The following KCNT2 variants were observed in gnomAD, a reference collection of about 807,000 sequenced individuals.
The protein encoded by KCNT2 is potassium channel subfamily T member 2.
In KCNT2, 67 loss-of-function variants were observed where a neutral mutation model predicts 153.8. The ratio of observed to expected loss-of-function variants is 0.44; its 90% CI spans 0.36 to 0.53. The LOEUF (loss-of-function observed/expected upper bound fraction) is 0.53, where lower values mean the gene tolerates loss of function less well. KCNT2 is among the 20% of genes least tolerant of loss of function. The pLI, the probability that KCNT2 is intolerant of heterozygous loss-of-function variation, is 0.00. For synonymous variants in KCNT2, 500 were observed against 458.8 expected (o/e 1.09, Z -1.15); for missense variants, 975 against 1,354.8 (o/e 0.72, Z 4.40).
At chr1:196,506,083 A>C (rs534577952) in intron 1 of KCNT2, among the ~76,000 whole-genome samples, 1 of 152,272 alleles carries the variant, frequency 6.6e-6, no homozygotes, top group East Asian at 1.9e-4. Flanking sequence ...TTCTAGGGAA[A>C]TATGTTGCGG....
At chr1:196,257,366 T>C (rs1656604749) in intron 26 of KCNT2, 5 of 978,860 alleles carry the variant, frequency 5.1e-6, no homozygotes, top group Non-Finnish European at 6.1e-6. Flanking sequence ...GAGATTTCAA[T>C]AATAAACAAG....
At chr1:196,354,769 T>C (rs1667034774) in intron 14 of KCNT2, among the ~76,000 whole-genome samples, 1 of 151,854 alleles carries the variant, frequency 6.6e-6, no homozygotes, top group Non-Finnish European at 1.5e-5. Context: ...TAATGCACTT[T>C]ATTTAATTCC....
rs1367945566 is a variant in KCNT2 at position 196,258,512 on chromosome 1, AT to A, written c.2911-19del. On this transcript the variant is annotated intron_variant, in intron 25 of 27. Transcript: ENST00000294725. ...ATTTGAGACTTTAAAGGAAATAGAT[AT>A]TGATAATTAGATACTTTAGAAATAA... 4.4e-6 allele frequency: 6 copies of A among 1,376,252 alleles called. No individual in the cohort carries two copies. Among genetic ancestry groups the A allele is most frequent in the Admixed American group, 1.9e-5 (1 of 51,838 alleles). The allele number at this position is 1,376,252 out of a possible 1,614,324, so 85.3% of individuals were successfully genotyped here.
intron 13 of KCNT2, among the ~76,000 whole-genome samples, chr1:196,386,195 G>A (rs1419826504): frequency 6.6e-6 from 1 of 152,100 alleles, no homozygotes; most frequent in African/African-American, 2.4e-5. Flanking sequence ...CGCAAGTCAA[G>A]CCTTCAAATA....
At chr1:196,265,476 A>G (rs764776375) in intron 25 of KCNT2, among the ~76,000 whole-genome samples, 3 of 152,148 alleles carry the variant, frequency 2.0e-5, no homozygotes, top group Non-Finnish European at 2.9e-5. Flanking sequence ...ATATTGAATC[A>G]AGTGGTTGGT....
Position 196,373,255 on chromosome 1 carries a change from G to A in KCNT2, c.1295-7C>T. 1 of 1,194,000 alleles carries A rather than the reference G, an allele frequency of 8.4e-7. No individual in the cohort carries two copies. Among genetic ancestry groups the A allele is most frequent in the Non-Finnish European group, 1.2e-6 (1 of 805,228 alleles). 74.0% of individuals were successfully genotyped at this position (1,194,000 alleles called of 1,614,324 possible). A position where few individuals can be genotyped will look rare whatever the true frequency, so the allele number is the denominator to read the frequency against. On this transcript the variant is annotated splice_region_variant and splice_polypyrimidine_tract_variant and intron_variant, in intron 13 of 27. Transcript: ENST00000294725. The stretch of plus-strand genomic sequence containing the variant: ...TCTTCACAAACAACATGATCTGTTT[G>A]AAATAAAATAGGTAAATTAGAATAA...
intron 14 of KCNT2, among the ~76,000 whole-genome samples, chr1:196,372,903 T>C (rs1001318773): frequency 2.6e-5 from 4 of 152,004 alleles, no homozygotes; most frequent in Admixed American, 2.6e-4. Context: ...TACTAATAAG[T>C]TGCAACAAAC....
At chr1:196,235,143 T>C (rs879405407) in intron 27 of KCNT2, among the ~76,000 whole-genome samples, 2 of 151,418 alleles carry the variant, frequency 1.3e-5, no homozygotes, top group African/African-American at 2.4e-5. Context: ...CAGTATTACA[T>C]TTGCCTTACA....
Position 196,315,909 on chromosome 1 carries a change from G to C in KCNT2, c.2466C>G (p.Asn822Lys). The change falls in exon 21 of 28, where the codon AAC becomes AAG. Residue 822 changes from asparagine (N) to lysine (K), a missense_variant. This residue lies in a region of KCNT2 where 66 missense variants were observed against 147.9 expected (regional missense o/e 0.45). Transcript: ENST00000294725. ...DYMADAKTIV[N>K]VQTLFRLFSS... ...CCACTTACCTGAAGAGTGTCTGCAC[G>C]TTCACAATGGTTTTGGCATCTGCCA... 6.2e-7 allele frequency: 1 copy of C among 1,606,530 alleles called. No homozygotes were observed. Among genetic ancestry groups the C allele is most frequent in the Non-Finnish European group, 8.5e-7 (1 of 1,175,990 alleles).
At chr1:196,519,644 A>G (rs1460992521) in intron 1 of KCNT2, among the ~76,000 whole-genome samples, 2 of 152,154 alleles carry the variant, frequency 1.3e-5, no homozygotes, top group African/African-American at 2.4e-5. Flanking sequence ...ACAAATAACC[A>G]TCAGAGACTA....
At chr1:196,529,312 T>C (rs187488087) in intron 1 of KCNT2, among the ~76,000 whole-genome samples, 16 of 152,286 alleles carry the variant, frequency 1.1e-4, no homozygotes, top group Admixed American at 6.5e-5. Context: ...CAAATAATTA[T>C]AGCCTTATCC....
At chr1:196,562,553 G>A (rs1659551265) in intron 1 of KCNT2, among the ~76,000 whole-genome samples, 1 of 151,948 alleles carries the variant, frequency 6.6e-6, no homozygotes, top group African/African-American at 2.4e-5. Context: ...GACATGAAAG[G>A]AGCAGCAAAT....
At chr1:196,454,022 A>T (rs774672991) in intron 8 of KCNT2, among the ~76,000 whole-genome samples, 6 of 151,302 alleles carry the variant, frequency 4.0e-5, no homozygotes, top group Non-Finnish European at 8.8e-5. Flanking sequence ...TTCCCTGTGT[A>T]TTTTTCTCAG....
rs1558170512 is a variant in KCNT2, at chr1:196,342,422, A to ATATATATATATATATATATATG, written c.1404-195_1404-194insCATATATATATATATATATATA. On this transcript the variant is annotated intron_variant, in intron 14 of 27. Coordinates refer to ENST00000294725, the MANE Select transcript of KCNT2 (RefSeq NM_198503.5). ...GAGTTTCTAAAAAATTTTGAATACT[A>ATATATATATATATATATATATG]TATATATATATATATATATATATAT... is the stretch of plus-strand genomic sequence containing the variant. Among the ~76,000 whole-genome samples the ATATATATATATATATATATATG allele has an allele frequency of 0.011, 63 of 5,788 alleles. 1 individual carries two copies. The South Asian group carries it at 0.19, about 17-fold the overall frequency. The allele number at this position is 5,788 out of a possible 152,430, so 3.8% of individuals were successfully genotyped here. A position where few individuals can be genotyped will look rare whatever the true frequency, so the allele number is the denominator to read the frequency against.
intron 1 of KCNT2, among the ~76,000 whole-genome samples, chr1:196,552,173 A>G (rs1488566463): frequency 6.6e-6 from 1 of 151,514 alleles, no homozygotes; most frequent in African/African-American, 2.4e-5. Flanking sequence ...AAAAGTAAAT[A>G]TTTTATGCCA....
At chr1:196,281,492 T>C (rs1659090925) in intron 24 of KCNT2, among the ~76,000 whole-genome samples, 1 of 152,138 alleles carries the variant, frequency 6.6e-6, no homozygotes, top group Non-Finnish European at 1.5e-5. Context: ...TACTGACTTG[T>C]TCCACCCAAT....
intron 3 of KCNT2, 33 bp downstream of exon 3, chr1:196,489,805 A>G (rs1558001043): frequency 9.2e-7 from 1 of 1,087,412 alleles, no homozygotes; most frequent in Non-Finnish European, 1.4e-6. Flanking sequence ...TAATCAAAAT[A>G]ATATTGTTGA....
chr1:196,306,988 G>T lies in KCNT2; in HGVS notation c.2484-1643C>A, dbSNP rs541617802. On this transcript the variant is annotated intron_variant, in intron 21 of 27. Transcript: ENST00000294725. The stretch of plus-strand genomic sequence containing the variant: ...GGTAATAAATACTACTGTAGTTATT[G>T]ATTCAGGTAAATTGTAGTAATTGTT... Among the ~76,000 whole-genome samples the T allele has an allele frequency of 3.6e-4, 55 of 152,058 alleles. 1 individual carries two copies. The South Asian group carries it at 0.011, about 30-fold the overall frequency.
At chr1:196,537,113 T>G (rs1173703880) in intron 1 of KCNT2, among the ~76,000 whole-genome samples, 1 of 152,192 alleles carries the variant, frequency 6.6e-6, no homozygotes, top group Admixed American at 6.5e-5. Context: ...GGGTTGTGCC[T>G]GCTGAATAGC....
Sources: gnomAD v4.1 joint callset for allele counts (sites outside exome capture counted in the v4.1 genomes callset) on GRCh38, gnomAD v4.1.1 for gene constraint, gnomAD v4.1.1 regional missense constraint, MANE v1.5 for transcripts, NCBI Gene and HGNC (gene_info 2026-07-23, HGNC 2026-07-21) for gene names.